Variants in GPBP1 observed in about 807,000 individuals in gnomAD.
GPBP1 encodes GC-rich promoter binding protein 1.
Under a neutral mutation model 56.5 loss-of-function variants are expected in GPBP1, and 13 were observed. The observed-to-expected ratio is 0.23, with a 90% CI of 0.15 to 0.37. The LOEUF is 0.37. Among genes scored for constraint, GPBP1 ranks in the 10% least tolerant of loss-of-function variants. The pLI is 1.00. For synonymous variants in GPBP1, 204 were observed against 188.9 expected (o/e 1.08, Z -0.66); for missense variants, 477 against 572.3 (o/e 0.83, Z 1.70).
In GPBP1 at chr5:57,188,751, T is replaced by G. The variant is rs539496228; in HGVS notation, c.-58+12351T>G. 2.0e-5 allele frequency among the ~76,000 whole-genome samples: 3 copies of G among 151,964 alleles called. No individual in the cohort carries two copies. The South Asian group carries it at 6.2e-4, about 32-fold the overall frequency. ...GAGCGAGACATTGTCTCAAAAAAAA[T>G]AAAAGGCAAGCTACAGTCTTACTTC... On this transcript the variant is annotated intron_variant, in intron 2 of 11. Coordinates refer to ENST00000506184, the MANE Select transcript of GPBP1 (RefSeq NM_022913.4).
chr5:57,248,955 C>T (rs975253285), intron 8 of GPBP1: 5 of 152,564 alleles, frequency 3.3e-5, no homozygotes, highest in Non-Finnish European at 7.3e-5. Flanking sequence ...AGGATTCTTT[C>T]TCCTCTCCTC....
chr5:57,176,270 A>G lies in GPBP1; in HGVS notation c.-188A>G, dbSNP rs553240551. The stretch of plus-strand genomic sequence containing the variant: ...GCTGACTTGAAGTAACTCTATGTCA[A>G]ATAGTCGTAGGTTAAGTATCTTCAA... On this transcript the variant is annotated 5_prime_UTR_variant, in exon 2 of 12. Transcript: ENST00000506184. 14 of 359,394 alleles carry G rather than the reference A, an allele frequency of 3.9e-5. No individual in the cohort carries two copies. The highest frequency in any genetic ancestry group is 1.0e-4 in the African/African-American group (5 of 48,054). The allele number at this position is 359,394 out of a possible 1,614,324, so 22.3% of individuals were successfully genotyped here. A position where few individuals can be genotyped will look rare whatever the true frequency, so the allele number is the denominator to read the frequency against.
intron 2 of GPBP1, among the ~76,000 whole-genome samples, chr5:57,207,409 T>G (rs762634572): frequency 4.6e-5 from 7 of 151,920 alleles, no homozygotes; most frequent in African/African-American, 9.7e-5. Context: ...GTGCCTTGCT[T>G]CTTTGGCACC....
Position 57,262,720 on chromosome 5 carries a change from A to T in GPBP1, c.1390A>T (p.Ser464Cys), listed in dbSNP as rs1047693019. ...TGAGAATGATGACACAGAGACAAGT[A>T]GCAGTGATACATCAGATGACGACGA... ...TTENDDTETSSSDTSDDDDV is the reference protein window; with the variant it reads ...TTENDDTETSCSDTSDDDDV The change falls in exon 12 of 12, where the codon AGC (serine) becomes TGC (cysteine). Residue 464 changes from serine to cysteine, a missense_variant. Coordinates refer to ENST00000506184, the MANE Select transcript of GPBP1 (RefSeq NM_022913.4). The T allele has an allele frequency of 1.2e-6, 2 of 1,613,760 alleles. No individual in the cohort carries two copies. The highest frequency in any genetic ancestry group is 1.7e-6 in the Non-Finnish European group (2 of 1,179,800).
At chr5:57,181,339 A>G (rs1349245469) in intron 2 of GPBP1, among the ~76,000 whole-genome samples, 1 of 151,918 alleles carries the variant, frequency 6.6e-6, no homozygotes. Context: ...TGCCTCAAAA[A>G]TGAATAAGAA....
At chr5:57,188,176 G>A (rs1271030298) in intron 2 of GPBP1, among the ~76,000 whole-genome samples, 2 of 151,376 alleles carry the variant, frequency 1.3e-5, no homozygotes, top group Non-Finnish European at 2.9e-5. Flanking sequence ...CTCAGGAAGT[G>A]GAAGTTGCAG....
intron 3 of GPBP1, among the ~76,000 whole-genome samples, chr5:57,229,492 CTTTTCCT>C (rs140627335): frequency 0.27 from 41,024 of 150,934 alleles, 6,136 homozygotes; most frequent in East Asian, 0.7. Context: ...CTTTCCTTTC[CTTTTCCT>C]TTTTCCTTTT....
At position 57,175,705 on chromosome 5, in the gene GPBP1, T is replaced by C; in HGVS notation, c.-753T>C. The C allele has an allele frequency of 2.5e-6, 1 of 396,704 alleles. No individual in the cohort carries two copies. The allele number at this position is 396,704 out of a possible 1,614,324, so 24.6% of individuals were successfully genotyped here. On this transcript the variant is annotated 5_prime_UTR_variant, in exon 2 of 12. Transcript: ENST00000506184. ...ATATAACTGGTTACAGTATTTCAGC[T>C]GGTGGTAATTTTTGCCTCCCCTTCC...
chr5:57,221,383 C>G (rs979941129), intron 3 of GPBP1: 1 of 1,529,804 alleles, frequency 6.5e-7, no homozygotes, highest in Non-Finnish European at 8.9e-7. Flanking sequence ...TAGGTCCTGA[C>G]CAGCAGTTTG....
intron 2 of GPBP1, among the ~76,000 whole-genome samples, chr5:57,178,277 T>C (rs191472305): frequency 1.6e-4 from 25 of 152,210 alleles, no homozygotes; most frequent in African/African-American, 6.0e-4. Context: ...GGACTCTTGC[T>C]CTGTCGCGTG....
At chr5:57,174,936 C>T (rs1004025984) in intron 1 of GPBP1, among the ~76,000 whole-genome samples, 6 of 152,140 alleles carry the variant, frequency 3.9e-5, no homozygotes, top group African/African-American at 1.2e-4. Flanking sequence ...TCTAGTTCAC[C>T]TTTCTGGCCT....
rs1741366421 is a variant in GPBP1 at position 57,251,100 on chromosome 5, A to G, written c.1119A>G (p.Pro373=). Residue 373 remains proline, a synonymous_variant, in exon 10 of 12, where the codon CCA becomes CCG. Transcript: ENST00000506184. ...SQQIIRSSTF[P]QTDVLSSSLE... ...AGATCATTCGGTCTTCAACCTTCCC[A>G]CAAACTGATGTTCTTTCAAGTTCAC... is the stretch of plus-strand genomic sequence containing the variant. 1 of 1,611,896 alleles carries G rather than the reference A, an allele frequency of 6.2e-7. No individual in the cohort carries two copies. Among genetic ancestry groups the G allele is most frequent in the African/African-American group, 1.3e-5 (1 of 74,826 alleles).
intron 3 of GPBP1, among the ~76,000 whole-genome samples, chr5:57,228,474 A>G (rs1405842750): frequency 1.3e-5 from 2 of 151,572 alleles, no homozygotes; most frequent in African/African-American, 2.4e-5. Context: ...AAAAGTCTGC[A>G]TCTATATCTG....
intron 3 of GPBP1, among the ~76,000 whole-genome samples, chr5:57,223,111 G>A (rs1009831237): frequency 1.5e-5 from 2 of 136,758 alleles, no homozygotes; most frequent in Admixed American, 1.5e-4. Context: ...TTTTTCTACA[G>A]CTTGTTTGAT....
intron 10 of GPBP1, among the ~76,000 whole-genome samples, 177 bp from the exon 11 acceptor site, chr5:57,261,003 C>A (rs1446677357): frequency 6.6e-6 from 1 of 152,122 alleles, no homozygotes; most frequent in Admixed American, 6.5e-5. Context: ...ATTAATCTTA[C>A]CTGTTTATTC....
Position 57,251,106 on chromosome 5 carries a change from T to C in GPBP1, c.1125T>C (p.Thr375=). The C allele has an allele frequency of 1.2e-6, 2 of 1,610,958 alleles. No individual in the cohort carries two copies. Among genetic ancestry groups the C allele is most frequent in the Non-Finnish European group, 1.7e-6 (2 of 1,179,148 alleles). ...TTCGGTCTTCAACCTTCCCACAAAC[T>C]GATGTTCTTTCAAGTTCACTTGAGG... ...QIIRSSTFPQ[T]DVLSSSLEAE... is the part of the protein sequence containing the mutation. The change falls in exon 10 of 12, where the codon ACT becomes ACC. Residue 375 remains threonine (T), a synonymous_variant. Coordinates refer to ENST00000506184, the MANE Select transcript of GPBP1 (RefSeq NM_022913.4).
intron 2 of GPBP1, among the ~76,000 whole-genome samples, chr5:57,209,562 G>A (rs955332897): frequency 6.6e-6 from 1 of 152,112 alleles, no homozygotes. Context: ...TTCTTGTCTT[G>A]TTCCTGATCT....
chr5:57,241,518 G>C (rs142808010), intron 6 of GPBP1, among the ~76,000 whole-genome samples: 2,086 of 152,204 alleles, frequency 0.014, 117 homozygotes, highest in East Asian at 0.098. Flanking sequence ...TTGAAGCCAA[G>C]AGTTTGAGAC....
intron 3 of GPBP1, among the ~76,000 whole-genome samples, chr5:57,224,587 A>T (rs1003775160): frequency 6.6e-6 from 1 of 152,146 alleles, no homozygotes; most frequent in Admixed American, 6.6e-5. Flanking sequence ...CTGGGACTAC[A>T]GGTGCGCACC....
Sources: gnomAD v4.1 joint callset for allele counts (sites outside exome capture counted in the v4.1 genomes callset) on GRCh38, gnomAD v4.1.1 for gene constraint, MANE v1.5 for transcripts, NCBI Gene and HGNC (gene_info 2026-07-23, HGNC 2026-07-21) for gene names.